Variants in CLRN3 observed in about 807,000 individuals in gnomAD.
CLRN3 encodes the protein clarin-3.
Under a neutral mutation model 16.7 loss-of-function variants are expected in CLRN3, and 12 were observed. The ratio of observed to expected loss-of-function variants is 0.72; its 90% CI spans 0.46 to 1.16. The LOEUF (loss-of-function observed/expected upper bound fraction) is 1.16, where lower values mean the gene tolerates loss of function less well. CLRN3 is among the 50% of genes most tolerant of loss of function. CLRN3 has a pLI of 0.00. For synonymous variants in CLRN3, 118 were observed against 113.0 expected, an observed-to-expected ratio of 1.04 and a Z score of -0.28; for missense variants, 296 against 274.2, an observed-to-expected ratio of 1.08 and a Z score of -0.56.
Position 127,878,096 on chromosome 10 carries a change from T to A in CLRN3, c.*53A>T. 1 of 1,584,824 alleles carries A rather than the reference T, an allele frequency of 6.3e-7. No homozygotes were observed. Among genetic ancestry groups the A allele is most frequent in the South Asian group, 1.1e-5 (1 of 88,652 alleles). On this transcript the variant is annotated 3_prime_UTR_variant, in exon 3 of 3. Coordinates refer to ENST00000368671, the MANE Select transcript of CLRN3 (RefSeq NM_152311.5). ...TTGTCCAGAGAAGCTAACCAGTTAC[T>A]ACTCAGGGCTGATGTACAATAGATG...
At chr10:127,882,246 CCA>C (rs1208082389) in intron 2 of CLRN3, among the ~76,000 whole-genome samples, 70 of 152,186 alleles carry the variant, frequency 4.6e-4, no homozygotes, top group African/African-American at 1.4e-3. Context: ...GTTTTTACCC[CCA>C]AATAATAAAA....
chr10:127,887,795 A>G (rs1263721566), intron 1 of CLRN3, among the ~76,000 whole-genome samples: 1 of 152,198 alleles, frequency 6.6e-6, no homozygotes, highest in South Asian at 2.1e-4. Context: ...CTCTCTGCCT[A>G]CAAAATTAGC....
intron 1 of CLRN3, among the ~76,000 whole-genome samples, chr10:127,891,372 T>C (rs1221209425): frequency 1.3e-5 from 2 of 152,224 alleles, no homozygotes; most frequent in Non-Finnish European, 1.5e-5. Flanking sequence ...TTAAAATTTG[T>C]TAAATGTGTC....
chr10:127,892,706 T>C lies in CLRN3; in HGVS notation c.79A>G (p.Ile27Val), dbSNP rs1488105551. Residue 27 changes from isoleucine (I) to valine (V), a missense_variant, in exon 1 of 3, where the codon ATT (isoleucine) becomes GTT (valine). Coordinates refer to ENST00000368671, the MANE Select transcript of CLRN3 (RefSeq NM_152311.5). ...GTGATCCATGCTTGTGTCCCAAGAA[T>C]AGAGCAAATTACAATGAAGGACCCA... ...SLGSFIVICS[I>V]LGTQAWITST... The C allele has an allele frequency of 1.2e-6, 2 of 1,613,436 alleles. No individual in the cohort carries two copies. Among genetic ancestry groups the C allele is most frequent in the Middle Eastern group, 1.6e-4 (1 of 6,084 alleles).
At chr10:127,882,571 A>G (rs1845141485) in intron 2 of CLRN3, among the ~76,000 whole-genome samples, 2 of 152,210 alleles carry the variant, frequency 1.3e-5, no homozygotes, top group African/African-American at 4.8e-5. Context: ...AGTTGTTCAT[A>G]TTCCTCAGCA....
At chr10:127,891,799 A>T (rs1845260384) in intron 1 of CLRN3, among the ~76,000 whole-genome samples, 1 of 152,262 alleles carries the variant, frequency 6.6e-6, no homozygotes. Flanking sequence ...TAATGCCTGT[A>T]TAATACTTGC....
rs1430288120 is a variant in CLRN3, at chr10:127,886,642, C to T, written c.230-2767G>A. Among the ~76,000 whole-genome samples the T allele has an allele frequency of 3.3e-5, 5 of 152,298 alleles. No homozygotes were observed. The East Asian group carries it at 9.6e-4, about 29-fold the overall frequency. On this transcript the variant is annotated intron_variant, in intron 1 of 2. Coordinates refer to ENST00000368671, the MANE Select transcript of CLRN3 (RefSeq NM_152311.5). ...TACGCCTCACAGCGGTTGGCATGGC[C>T]GCATGTGCCTTGAAAACCCATGGGA...
intron 2 of CLRN3, among the ~76,000 whole-genome samples, chr10:127,880,772 T>C (rs1238022431): frequency 1.3e-5 from 2 of 152,120 alleles, no homozygotes; most frequent in Non-Finnish European, 2.9e-5. Context: ...CTTCCTTCCC[T>C]ACCCAACATC....
chr10:127,883,640 G>A (rs1845156390), intron 2 of CLRN3, 56 bp downstream of exon 2: 7 of 1,234,534 alleles, frequency 5.7e-6, no homozygotes, highest in Non-Finnish European at 8.4e-6. Flanking sequence ...GCAGAGACAT[G>A]GGGACAAGCG....
At chr10:127,886,988 T>G (rs565696490) in intron 1 of CLRN3, among the ~76,000 whole-genome samples, 59 of 152,198 alleles carry the variant, frequency 3.9e-4, no homozygotes, top group African/African-American at 1.4e-3. Flanking sequence ...TCTGGGTGGG[T>G]GGGATGTGGC....
chr10:127,880,357 G>C (rs1845114061), intron 2 of CLRN3, among the ~76,000 whole-genome samples: 2 of 152,050 alleles, frequency 1.3e-5, no homozygotes, highest in Non-Finnish European at 2.9e-5. Flanking sequence ...GATGCCCAGA[G>C]CCTCTACCTG....
chr10:127,890,595 A>G (rs1845247014), intron 1 of CLRN3, among the ~76,000 whole-genome samples: 1 of 152,090 alleles, frequency 6.6e-6, no homozygotes, highest in South Asian at 2.1e-4. Flanking sequence ...TAAATTCTCA[A>G]TTGGAACAGT....
intron 2 of CLRN3, among the ~76,000 whole-genome samples, chr10:127,882,901 C>G (rs552515474): frequency 6.6e-6 from 1 of 152,058 alleles, no homozygotes; most frequent in Non-Finnish European, 1.5e-5. Flanking sequence ...AGCAAAAGGC[C>G]CTGAAGGCAG....
chr10:127,891,769 A>T (rs1424566883), intron 1 of CLRN3, among the ~76,000 whole-genome samples: 1 of 152,250 alleles, frequency 6.6e-6, no homozygotes, highest in African/African-American at 2.4e-5. Context: ...GTCAAAAGGT[A>T]ATGACTGTAT....
rs1305278098 is a variant in CLRN3, at chr10:127,892,729, C to A, written c.56G>T (p.Gly19Val). ...MFLSSFFTSL[G>V]SFIVICSILG... ...AATAGAGCAAATTACAATGAAGGAC[C>A]CAAGGCTGGTGAAAAAGCTTGATAA... Residue 19 changes from glycine (G) to valine (V), a missense_variant, in exon 1 of 3, where the codon GGG (glycine) becomes GTG (valine). By Grantham distance (109) the Gly-to-Val change is moderately radical. Transcript: ENST00000368671. 1 of 1,613,586 alleles carries A rather than the reference C, an allele frequency of 6.2e-7. No individual in the cohort carries two copies. Among genetic ancestry groups the A allele is most frequent in the Non-Finnish European group, 8.5e-7 (1 of 1,179,792 alleles).
Position 127,878,133 on chromosome 10 carries a change from T to C in CLRN3, c.*16A>G. ...ATGTACAATAGATGCAACGCCAAAA[T>C]GAGATGAAAGAGAATTCAGAATAAA... On this transcript the variant is annotated 3_prime_UTR_variant, in exon 3 of 3. Coordinates refer to ENST00000368671, the MANE Select transcript of CLRN3 (RefSeq NM_152311.5). The C allele has an allele frequency of 3.1e-6, 5 of 1,606,304 alleles. No homozygotes were observed. Among genetic ancestry groups the C allele is most frequent in the Non-Finnish European group, 4.3e-6 (5 of 1,173,810 alleles).
intron 2 of CLRN3, among the ~76,000 whole-genome samples, chr10:127,882,530 T>C (rs1332400718): frequency 6.6e-6 from 1 of 152,246 alleles, no homozygotes; most frequent in Non-Finnish European, 1.5e-5. Flanking sequence ...CAGGGCTTTT[T>C]TCTCTTTTTG....
chr10:127,892,720 A>G lies in CLRN3; in HGVS notation c.65T>C (p.Ile22Thr), dbSNP rs771049433. The change falls in exon 1 of 3, where the codon ATT (isoleucine) becomes ACT (threonine). Residue 22 changes from isoleucine (I) to threonine (T), a missense_variant. By Grantham distance (89) the Ile-to-Thr change is moderately conservative. Transcript: ENST00000368671. Reference protein sequence around the residue: ...SSFFTSLGSFIVICSILGTQA... With the variant: ...SSFFTSLGSFTVICSILGTQA... ...TGTCCCAAGAATAGAGCAAATTACA[A>G]TGAAGGACCCAAGGCTGGTGAAAAA... 5 of 1,613,906 alleles carry G rather than the reference A, an allele frequency of 3.1e-6. No homozygotes were observed. Among genetic ancestry groups the G allele is most frequent in the East Asian group, 4.5e-5 (2 of 44,876 alleles).
chr10:127,891,809 C>A (rs1457290253), intron 1 of CLRN3, among the ~76,000 whole-genome samples: 2 of 152,128 alleles, frequency 1.3e-5, no homozygotes, highest in African/African-American at 4.8e-5. Context: ...ATAATACTTG[C>A]ATACAACATT....
Sources: allele counts gnomAD v4.1 joint callset (sites outside exome capture counted in the v4.1 genomes callset), GRCh38; gene constraint gnomAD v4.1.1; transcripts MANE v1.5; gene names NCBI Gene and HGNC (gene_info 2026-07-23, HGNC 2026-07-21).